The following UNC13C variants were observed in gnomAD, a reference collection of about 807,000 sequenced individuals.
UNC13C encodes the protein protein unc-13 homolog C.
A neutral mutation model predicts 245.4 loss-of-function variants in UNC13C; 174 were observed. That is an observed-to-expected ratio of 0.71 (90% CI 0.63 to 0.80). UNC13C has a LOEUF of 0.80. Among genes scored for constraint, UNC13C ranks in the 30% least tolerant of loss-of-function variants. UNC13C has a pLI of 0.00. For synonymous variants in UNC13C, 992 were observed against 895.1 expected (o/e 1.11, Z -1.93); for missense variants, 2,829 against 2,602.9 (o/e 1.09, Z -1.89).
intron 14 of UNC13C, among the ~76,000 whole-genome samples, chr15:54,329,768 T>G (rs2038391530): frequency 6.6e-6 from 1 of 152,138 alleles, no homozygotes; most frequent in South Asian, 2.1e-4. Flanking sequence ...AGCAGTTTTC[T>G]TCACAGTTTT....
chr15:54,340,386 G>A (rs1265670643), intron 17 of UNC13C, among the ~76,000 whole-genome samples: 3 of 152,118 alleles, frequency 2.0e-5, no homozygotes, highest in Non-Finnish European at 4.4e-5. Context: ...GGGTTTTTCT[G>A]ATGTTATCTG....
intron 30 of UNC13C, among the ~76,000 whole-genome samples, chr15:54,621,095 T>C (rs16974985): frequency 0.026 from 4,027 of 152,250 alleles, 194 homozygotes; most frequent in African/African-American, 0.094. Flanking sequence ...TTGTGGTGAA[T>C]TGCCTCATCT....
chr15:54,477,197 G>A (rs1197923588), intron 19 of UNC13C, among the ~76,000 whole-genome samples: 1 of 120,568 alleles, frequency 8.3e-6, no homozygotes, highest in Non-Finnish European at 1.7e-5. Flanking sequence ...ATCTGCTTAA[G>A]GAGATTTTGG....
intron 17 of UNC13C, among the ~76,000 whole-genome samples, chr15:54,384,064 A>G (rs1442117933): frequency 6.6e-6 from 1 of 152,140 alleles, no homozygotes. Context: ...AATTAATATT[A>G]TTGAAATGAC....
At chr15:54,520,184 C>G (rs913242750) in intron 24 of UNC13C, among the ~76,000 whole-genome samples, 1 of 151,960 alleles carries the variant, frequency 6.6e-6, no homozygotes, top group Non-Finnish European at 1.5e-5. Flanking sequence ...AATTCAGAAT[C>G]TGGAAGTGAA....
chr15:54,437,829 C>T (rs1890304621), intron 19 of UNC13C, among the ~76,000 whole-genome samples: 1 of 151,746 alleles, frequency 6.6e-6, no homozygotes, highest in South Asian at 2.1e-4. Flanking sequence ...TGATTAAGAC[C>T]AAGTTTTGAA....
At chr15:54,612,762 A>G (rs1900189086) in intron 30 of UNC13C, among the ~76,000 whole-genome samples, 1 of 151,998 alleles carries the variant, frequency 6.6e-6, no homozygotes, top group Non-Finnish European at 1.5e-5. Flanking sequence ...CTACCCTCCA[A>G]ATATGAATGA....
At chr15:54,240,375 T>C (rs28550623) in intron 7 of UNC13C, among the ~76,000 whole-genome samples, 33,132 of 152,200 alleles carry the variant, frequency 0.22, 5,701 homozygotes, top group African/African-American at 0.47. Context: ...AATTTGCACT[T>C]CTTGGTGCTG....
the UNC13C span, among the ~76,000 whole-genome samples, chr15:53,888,483 CT>C: frequency 6.6e-6 from 1 of 151,950 alleles, no homozygotes; most frequent in East Asian, 1.9e-4. Flanking sequence ...CAAAAATTTT[CT>C]CCCCTTCTGT....
At chr15:54,046,171 C>T (rs1897027849) in intron 2 of UNC13C, among the ~76,000 whole-genome samples, 1 of 152,058 alleles carries the variant, frequency 6.6e-6, no homozygotes, top group Non-Finnish European at 1.5e-5. Context: ...TTAATCCTGC[C>T]AATATCTTGT....
chr15:54,086,515 G>A (rs1237251560), intron 2 of UNC13C, among the ~76,000 whole-genome samples: 1 of 152,002 alleles, frequency 6.6e-6, no homozygotes, highest in Non-Finnish European at 1.5e-5. Flanking sequence ...TAGAAAGTAG[G>A]CAGGTTTGAT....
rs555688454 is a variant in UNC13C at position 54,289,456 on chromosome 15, A to G, written c.3819-4439A>G. 4.0e-4 allele frequency among the ~76,000 whole-genome samples: 61 copies of G among 151,740 alleles called. 1 individual carries two copies. The highest frequency in any genetic ancestry group is 2.3e-3 in the South Asian group (11 of 4,792). On this transcript the variant is annotated intron_variant, in intron 10 of 32. Transcript: ENST00000260323. ...TCTAGCCCGAGGTGATTAAATCTTCACTCTCTGTGCCAGCATCTCCTCCAC... is the reference window on the plus strand; with the variant it reads ...TCTAGCCCGAGGTGATTAAATCTTCGCTCTCTGTGCCAGCATCTCCTCCAC...
At chr15:54,254,771 A>G (rs2036237255) in intron 8 of UNC13C, among the ~76,000 whole-genome samples, 1 of 152,186 alleles carries the variant, frequency 6.6e-6, no homozygotes, top group African/African-American at 2.4e-5. Context: ...TGCAAAGTCA[A>G]TCCTAGGGGG....
the UNC13C span, among the ~76,000 whole-genome samples, chr15:53,900,464 G>C: frequency 2.0e-5 from 3 of 152,116 alleles, no homozygotes; most frequent in Non-Finnish European, 4.4e-5. Context: ...ACAGAGAAAT[G>C]TTTATTTACT....
At chr15:53,956,674 C>G in the UNC13C span, among the ~76,000 whole-genome samples, 2 of 149,450 alleles carry the variant, frequency 1.3e-5, no homozygotes, top group South Asian at 2.1e-4. Context: ...AGAAATTGAA[C>G]AGGGAAAACC....
chr15:54,278,169 A>C (rs74015103), intron 10 of UNC13C, among the ~76,000 whole-genome samples: 4,380 of 152,136 alleles, frequency 0.029, 214 homozygotes, highest in African/African-American at 0.1. Context: ...TGCCTTTTTA[A>C]ATATTGGCAC....
intron 17 of UNC13C, among the ~76,000 whole-genome samples, chr15:54,351,242 T>A (rs961345393): frequency 6.6e-6 from 1 of 152,170 alleles, no homozygotes; most frequent in African/African-American, 2.4e-5. Context: ...ATACAGGATA[T>A]CCAGTGAAGT....
the UNC13C span, among the ~76,000 whole-genome samples, chr15:53,909,782 T>C: frequency 6.8e-6 from 1 of 146,512 alleles, no homozygotes; most frequent in African/African-American, 2.4e-5. Context: ...ATTCTTTCTT[T>C]GAACTATTGC....
chr15:54,394,656 A>G (rs2040033966), intron 18 of UNC13C, among the ~76,000 whole-genome samples: 1 of 151,894 alleles, frequency 6.6e-6, no homozygotes, highest in Non-Finnish European at 1.5e-5. Context: ...TGGATACTGG[A>G]TGAAAACAAA....
Sources: gnomAD v4.1 joint callset for allele counts (sites outside exome capture counted in the v4.1 genomes callset) on GRCh38, gnomAD v4.1.1 for gene constraint, MANE v1.5 for transcripts, NCBI Gene and HGNC (gene_info 2026-07-23, HGNC 2026-07-21) for gene names.